The following SLC30A9 variants were observed in gnomAD, a reference collection of about 807,000 sequenced individuals.
The protein encoded by SLC30A9 is solute carrier family 30 member 9, also known as proton-coupled zinc antiporter SLC30A9, mitochondrial.
A neutral mutation model predicts 87.5 loss-of-function variants in SLC30A9; 58 were observed. The ratio of observed to expected loss-of-function variants is 0.66; its 90% CI spans 0.54 to 0.82. The LOEUF (loss-of-function observed/expected upper bound fraction) is 0.82, where lower values mean the gene tolerates loss of function less well. Among genes scored for constraint, SLC30A9 ranks in the 40% least tolerant of loss-of-function variants. SLC30A9 has a pLI of 0.00. For missense variants in SLC30A9, 557 were observed against 679.1 expected, an observed-to-expected ratio of 0.82 and a Z score of 2.00; for synonymous variants, 234 against 233.0, an observed-to-expected ratio of 1.00 and a Z score of -0.04.
At chr4:42,045,009 C>T (rs1717086349) in intron 8 of SLC30A9, among the ~76,000 whole-genome samples, 1 of 152,060 alleles carries the variant, frequency 6.6e-6, no homozygotes, top group African/African-American at 2.4e-5. Context: ...TTCCTTGACA[C>T]CAATGAGAAC....
intron 17 of SLC30A9, among the ~76,000 whole-genome samples, chr4:42,083,273 A>G (rs1718806255): frequency 1.3e-5 from 2 of 152,218 alleles, no homozygotes; most frequent in South Asian, 2.1e-4. Flanking sequence ...ACTCTCTGCA[A>G]GTATTGGAAT....
chr4:42,081,554 A>G (rs910569791), intron 17 of SLC30A9, among the ~76,000 whole-genome samples: 6 of 152,242 alleles, frequency 3.9e-5, no homozygotes, highest in African/African-American at 9.6e-5. Context: ...CTTTGCAAAC[A>G]ACTAATCTGT....
At position 42,039,168 on chromosome 4, in the gene SLC30A9, G is replaced by A. The variant is rs111315514; in HGVS notation, c.737+115G>A. 3.4e-4 allele frequency: 260 copies of A among 759,076 alleles called. 1 individual carries two copies. In the African/African-American group the frequency reaches 4.1e-3, roughly 12 times the overall value. The allele number at this position is 759,076 out of a possible 1,614,324, so 47.0% of individuals were successfully genotyped here. On this transcript the variant is annotated intron_variant, in intron 8 of 17. Coordinates refer to ENST00000264451, the MANE Select transcript of SLC30A9 (RefSeq NM_006345.4). ...AGCTATAGAGTTTGAGGTTTATTTT[G>A]TTTTAGGAGGAAATTGAATAAGTCT...
chr4:42,038,840 C>G (rs1409896706), intron 7 of SLC30A9, 146 bp from the exon 8 acceptor site: 2 of 577,204 alleles, frequency 3.5e-6, no homozygotes, highest in Admixed American at 3.0e-5. Context: ...TTTCCACTTT[C>G]TAAACAAGAA....
At chr4:41,996,659 C>G (rs1714724569) in intron 1 of SLC30A9, among the ~76,000 whole-genome samples, 1 of 152,132 alleles carries the variant, frequency 6.6e-6, no homozygotes, top group African/African-American at 2.4e-5. Context: ...GGGAAAACCA[C>G]CTGAGGCTGG....
At chr4:42,009,599 C>T (rs1715355827) in intron 2 of SLC30A9, among the ~76,000 whole-genome samples, 1 of 152,202 alleles carries the variant, frequency 6.6e-6, no homozygotes. Flanking sequence ...GATTCTACTG[C>T]AGTGATGCAG....
intron 8 of SLC30A9, among the ~76,000 whole-genome samples, chr4:42,041,453 A>G (rs1716920215): frequency 6.6e-6 from 1 of 152,142 alleles, no homozygotes; most frequent in Admixed American, 6.5e-5. Context: ...AGGAAATAGC[A>G]GGCCTGGTAC....
chr4:41,992,495 TGCCCTTTAAGTGTTG>T (rs1302447902), intron 1 of SLC30A9, among the ~76,000 whole-genome samples: 1 of 152,226 alleles, frequency 6.6e-6, no homozygotes, highest in East Asian at 1.9e-4. Flanking sequence ...TAGTCTAAAC[TGCCCTTTAAGTGTTG>T]GCAAAAAGGA....
intron 2 of SLC30A9, among the ~76,000 whole-genome samples, chr4:42,016,438 A>G (rs551225956): frequency 1.3e-5 from 2 of 152,230 alleles, no homozygotes; most frequent in South Asian, 2.1e-4. Context: ...TGTCCTATGT[A>G]TCCATGTGAA....
intron 17 of SLC30A9, among the ~76,000 whole-genome samples, chr4:42,082,113 A>C (rs1255401371): frequency 1.3e-5 from 2 of 151,972 alleles, no homozygotes; most frequent in African/African-American, 4.8e-5. Flanking sequence ...GCTACTCCGG[A>C]GGCTGAGGCA....
rs1018909464 is a variant in SLC30A9, at chr4:41,990,738, C to T, written c.87C>T (p.Ala29=). Residue 29 remains alanine, a synonymous_variant, in exon 1 of 18, where the codon GCC becomes GCT. Coordinates refer to ENST00000264451, the MANE Select transcript of SLC30A9 (RefSeq NM_006345.4). ...TCCGTCTGCGATGCAGGGCGGCGGC[C>T]TGTAATCCCAGCGACCGCCAGGGTG... ...CRLRLRCRAA[A]CNPSDRQEWQ... 1.9e-6 allele frequency: 3 copies of T among 1,611,058 alleles called. No homozygotes were observed. The highest frequency in any genetic ancestry group is 2.5e-6 in the Non-Finnish European group (3 of 1,179,038).
intron 13 of SLC30A9, 97 bp downstream of exon 13, chr4:42,066,718 A>T (rs1443914692): frequency 1.4e-6 from 1 of 692,954 alleles, no homozygotes; most frequent in African/African-American, 1.8e-5. Context: ...AAATGTACAA[A>T]ATATATCTGA....
rs760976256 is a variant in SLC30A9, at chr4:42,038,950, T to C, written c.670-36T>C. ...AGTTACAGTGCTTCTCTGCAAAATT[T>C]TGGAGGTATTAAAAAAAGTTTTTGT... On this transcript the variant is annotated intron_variant, in intron 7 of 17. Transcript: ENST00000264451. The C allele has an allele frequency of 4.5e-6, 7 of 1,549,956 alleles. No individual in the cohort carries two copies. In the East Asian group the frequency reaches 6.7e-5, roughly 15 times the overall value.
At chr4:42,055,704 T>A (rs147267292) in intron 9 of SLC30A9, among the ~76,000 whole-genome samples, 2 of 152,346 alleles carry the variant, frequency 1.3e-5, no homozygotes, top group African/African-American at 4.8e-5. Context: ...GAGTTTGCAA[T>A]GTAGCAAGTG....
In SLC30A9 at chr4:42,035,419, G is replaced by GTGATC. The variant is rs533125757; in HGVS notation, c.669+88_669+92dup. On this transcript the variant is annotated intron_variant, in intron 7 of 17. Transcript: ENST00000264451. ...TCCATTGTAAAATTCTAGCATGTCTGTGATCTCAATCTAAGATTTTCTTGA... is the reference window on the plus strand; with the variant it reads ...TCCATTGTAAAATTCTAGCATGTCTGTGATCTGATCTCAATCTAAGATTTTCTTGA... The GTGATC allele has an allele frequency of 1.8e-4, 256 of 1,447,758 alleles. 1 individual carries two copies. In the East Asian group the frequency reaches 5.1e-3, roughly 29 times the overall value. 89.7% of individuals were successfully genotyped at this position (1,447,758 alleles called of 1,614,324 possible). A position where few individuals can be genotyped will look rare whatever the true frequency, so the allele number is the denominator to read the frequency against.
At chr4:42,035,125 A>T in intron 6 of SLC30A9, 150 bp from the exon 7 acceptor site, 1 of 638,502 alleles carries the variant, frequency 1.6e-6, no homozygotes, top group Non-Finnish European at 2.5e-6. Context: ...TTTTTTAATC[A>T]GTTTACAAAT....
At chr4:42,043,835 C>T (rs371995030) in intron 8 of SLC30A9, among the ~76,000 whole-genome samples, 30 of 152,286 alleles carry the variant, frequency 2.0e-4, no homozygotes, top group African/African-American at 6.5e-4. Flanking sequence ...TCGGGTTACC[C>T]ACAAAGGGAA....
At position 42,039,072 on chromosome 4, in the gene SLC30A9, G is replaced by T. The variant is rs553951271; in HGVS notation, c.737+19G>T. 2 of 1,567,598 alleles carry T rather than the reference G, an allele frequency of 1.3e-6. No individual in the cohort carries two copies. The highest frequency in any genetic ancestry group is 1.4e-5 in the African/African-American group (1 of 73,996). ...TTTGCATGTAAGTACTGAAAAATAA[G>T]CTTTGTGAAATAGAATATATTCTTT... is the stretch of plus-strand genomic sequence containing the variant. On this transcript the variant is annotated intron_variant, in intron 8 of 17. Coordinates refer to ENST00000264451, the MANE Select transcript of SLC30A9 (RefSeq NM_006345.4).
chr4:41,992,712 C>A (rs1196560986), intron 1 of SLC30A9, among the ~76,000 whole-genome samples: 1 of 152,072 alleles, frequency 6.6e-6, no homozygotes, highest in Non-Finnish European at 1.5e-5. Context: ...CTTAAAAATG[C>A]TTAGTAGGTT....
Sources: allele counts gnomAD v4.1 joint callset (sites outside exome capture counted in the v4.1 genomes callset), GRCh38; gene constraint gnomAD v4.1.1; transcripts MANE v1.5; gene names NCBI Gene and HGNC (gene_info 2026-07-23, HGNC 2026-07-21).